Variants in RIMS2 observed in about 807,000 individuals in gnomAD.
The protein encoded by RIMS2 is regulating synaptic membrane exocytosis 2, also known as regulating synaptic membrane exocytosis protein 2.
RIMS2 carries 59 observed loss-of-function variants against 174.4 expected under a neutral mutation model. The observed-to-expected ratio is 0.34, with a 90% CI of 0.27 to 0.42. The LOEUF is 0.42. RIMS2 is among the 10% of genes least tolerant of loss of function. RIMS2 has a pLI of 1.00. For missense variants in RIMS2, 1,620 were observed against 1,666.3 expected (o/e 0.97, Z 0.48); for synonymous variants, 606 against 572.5 (o/e 1.06, Z -0.84).
chr8:103,825,012 TG>T (rs2098779418), intron 3 of RIMS2, among the ~76,000 whole-genome samples: 1 of 152,204 alleles, frequency 6.6e-6, no homozygotes, highest in Non-Finnish European at 1.5e-5. Context: ...TGCTGCTTAC[TG>T]GCTATGTGTT....
intron 1 of RIMS2, among the ~76,000 whole-genome samples, chr8:103,561,980 C>A (rs1362951221): frequency 6.6e-6 from 1 of 152,136 alleles, no homozygotes; most frequent in Non-Finnish European, 1.5e-5. Context: ...ATCATTAGAT[C>A]TTGTGAGACT....
chr8:104,056,091 T>A (rs914623383), intron 19 of RIMS2, among the ~76,000 whole-genome samples: 13 of 152,064 alleles, frequency 8.5e-5, no homozygotes, highest in Non-Finnish European at 1.9e-4. Flanking sequence ...AAAAAACACT[T>A]AAACATCATT....
chr8:103,800,735 A>C (rs1169367797), intron 3 of RIMS2, among the ~76,000 whole-genome samples: 1 of 152,118 alleles, frequency 6.6e-6, no homozygotes, highest in Non-Finnish European at 1.5e-5. Context: ...ATTTACTAAT[A>C]CTTTGTTTGA....
At chr8:103,776,983 C>A (rs923989954) in intron 3 of RIMS2, among the ~76,000 whole-genome samples, 2 of 152,064 alleles carry the variant, frequency 1.3e-5, no homozygotes, top group East Asian at 3.8e-4. Flanking sequence ...TAAGTGTTGA[C>A]ATTTTAAAAG....
At chr8:104,027,406 G>A (rs753261222) in intron 19 of RIMS2, among the ~76,000 whole-genome samples, 5 of 151,434 alleles carry the variant, frequency 3.3e-5, no homozygotes, top group African/African-American at 7.3e-5. Context: ...TCTATGCTTC[G>A]AAAGTCCCAA....
At chr8:104,243,502 T>C (rs2099313307) in intron 19 of RIMS2, among the ~76,000 whole-genome samples, 1 of 152,084 alleles carries the variant, frequency 6.6e-6, no homozygotes, top group African/African-American at 2.4e-5. Flanking sequence ...CTGGCCAACA[T>C]AGCGAAACCC....
rs148986975 is a variant in RIMS2 at position 103,913,987 on chromosome 8, C to T, written c.1813-1508C>T. Among the ~76,000 whole-genome samples the T allele has an allele frequency of 3.3e-3, 506 of 152,310 alleles. 3 individuals carry two copies. Among genetic ancestry groups the T allele is most frequent in the African/African-American group, 0.012 (479 of 41,568 alleles). ...ATTGTGTGGCATCCATGTGCTTGCA[C>T]TCAACCTGAGCATTTTATATCTGTT... On this transcript the variant is annotated intron_variant, in intron 6 of 23. Coordinates refer to ENST00000504942, the Ensembl canonical transcript of RIMS2.
chr8:104,242,555 C>T (rs551441830), intron 19 of RIMS2, among the ~76,000 whole-genome samples: 1 of 152,186 alleles, frequency 6.6e-6, no homozygotes, highest in African/African-American at 2.4e-5. Context: ...ATTCCCTTAC[C>T]TTATTTCTTT....
intron 12 of RIMS2, among the ~76,000 whole-genome samples, chr8:103,933,712 G>C (rs1247007907): frequency 1.3e-5 from 2 of 152,106 alleles, no homozygotes; most frequent in African/African-American, 4.8e-5. Flanking sequence ...GTTGTGTCAA[G>C]GTTTCATCTG....
intron 3 of RIMS2, among the ~76,000 whole-genome samples, chr8:103,809,746 A>T (rs2098674875): frequency 6.6e-6 from 1 of 152,166 alleles, no homozygotes. Context: ...GTGGCTTTAT[A>T]ATCAGCACAT....
chr8:104,092,450 A>G (rs1251950457), intron 19 of RIMS2, among the ~76,000 whole-genome samples: 5 of 151,902 alleles, frequency 3.3e-5, no homozygotes, highest in Non-Finnish European at 7.4e-5. Context: ...CTCTTAACCC[A>G]ATAGTAGTCA....
At chr8:103,937,155 A>G (rs2081461364) in intron 13 of RIMS2, among the ~76,000 whole-genome samples, 1 of 152,076 alleles carries the variant, frequency 6.6e-6, no homozygotes, top group Non-Finnish European at 1.5e-5. Flanking sequence ...TAGATGTAGA[A>G]TATCTGCAAA....
At chr8:103,866,522 A>G (rs934100793) in intron 3 of RIMS2, among the ~76,000 whole-genome samples, 2 of 152,052 alleles carry the variant, frequency 1.3e-5, no homozygotes, top group African/African-American at 4.8e-5. Context: ...TTATTTTGGT[A>G]CTTCTCTGCA....
rs536550317 is a variant in RIMS2, at chr8:104,076,381, T to C, written c.3334+61766T>C. Among the ~76,000 whole-genome samples, 32 of 152,316 alleles carry C rather than the reference T, an allele frequency of 2.1e-4. 1 individual carries two copies. In the South Asian group the frequency reaches 3.1e-3, roughly 15 times the overall value. On this transcript the variant is annotated intron_variant, in intron 19 of 23. Transcript: ENST00000504942. ...GTGTGATATCAAACATCCATCAAACTAGCATTTAAAAGTAACTAAAAATTT... is the reference window on the plus strand; with the variant it reads ...GTGTGATATCAAACATCCATCAAACCAGCATTTAAAAGTAACTAAAAATTT...
intron 19 of RIMS2, among the ~76,000 whole-genome samples, chr8:104,122,256 A>G (rs956179752): frequency 2.0e-5 from 3 of 152,046 alleles, no homozygotes; most frequent in African/African-American, 7.2e-5. Flanking sequence ...GATTGAAATT[A>G]ACAGGGATAA....
At chr8:103,936,506 C>G (rs1434371261) in intron 12 of RIMS2, 45 bp from the exon 15 acceptor site, 1 of 1,306,170 alleles carries the variant, frequency 7.7e-7, no homozygotes, top group Middle Eastern at 2.0e-4. Flanking sequence ...TAGGACAAAA[C>G]TTATAGTTCT....
chr8:104,013,697 G>C, intron 18 of RIMS2, 76 bp downstream of exon 20: 2 of 1,206,284 alleles, frequency 1.7e-6, no homozygotes, highest in Middle Eastern at 3.9e-4. Context: ...ACAGTTAACT[G>C]GTCTCTTCTA....
exon 13 of RIMS2, chr8:103,936,619 T>C (rs2081300651): frequency 6.2e-7 from 1 of 1,610,632 alleles, no homozygotes. Flanking sequence ...CAAACATTCA[T>C]TTATTCTCCA....
At chr8:103,752,559 C>G (rs1008469343) in intron 2 of RIMS2, among the ~76,000 whole-genome samples, 8 of 151,472 alleles carry the variant, frequency 5.3e-5, no homozygotes, top group Admixed American at 4.6e-4. Flanking sequence ...CCATTTTCAC[C>G]CATGAGCATG....
Sources: gnomAD v4.1 joint callset for allele counts (sites outside exome capture counted in the v4.1 genomes callset) on GRCh38, gnomAD v4.1.1 for gene constraint, MANE v1.5 for transcripts, NCBI Gene and HGNC (gene_info 2026-07-23, HGNC 2026-07-21) for gene names.